ALPK1: variants seen among roughly 807,000 people sequenced by gnomAD.
ALPK1 encodes alpha kinase 1.
In ALPK1, 110 loss-of-function variants were observed where a neutral mutation model predicts 120.6. The ratio of observed to expected loss-of-function variants is 0.91; its 90% confidence interval spans 0.78 to 1.07. The LOEUF (loss-of-function observed/expected upper bound fraction) is 1.07, where lower values mean the gene tolerates loss of function less well. ALPK1 is among the 50% of genes least tolerant of loss of function. The pLI is 0.00. For missense variants in ALPK1, 1,498 were observed against 1,483.9 expected, an observed-to-expected ratio of 1.01 and a Z score of -0.16; for synonymous variants, 582 against 560.3, an observed-to-expected ratio of 1.04 and a Z score of -0.55.
chr4:112,419,161 T>C (rs1385689567), intron 5 of ALPK1, among the ~76,000 whole-genome samples: 1 of 152,264 alleles, frequency 6.6e-6, no homozygotes, highest in Non-Finnish European at 1.5e-5. Flanking sequence ...ATTGCTTTGA[T>C]AAAATTTATT....
intron 2 of ALPK1, among the ~76,000 whole-genome samples, chr4:112,318,410 CT>C (rs1413677940): frequency 6.6e-6 from 1 of 152,192 alleles, no homozygotes; most frequent in East Asian, 1.9e-4. Flanking sequence ...AGCTGAGCTA[CT>C]TATTGAAGGT....
intron 12 of ALPK1, among the ~76,000 whole-genome samples, 170 bp from the exon 13 acceptor site, chr4:112,438,314 T>C (rs1210451183): frequency 6.6e-6 from 1 of 152,230 alleles, no homozygotes; most frequent in Non-Finnish European, 1.5e-5. Context: ...AAGTAGCTCT[T>C]ACAAAATTAT....
At chr4:112,339,478 A>G (rs1729765364) in intron 2 of ALPK1, among the ~76,000 whole-genome samples, 1 of 152,216 alleles carries the variant, frequency 6.6e-6, no homozygotes, top group African/African-American at 2.4e-5. Flanking sequence ...TTGTTTATAG[A>G]TTAGTTAACT....
chr4:112,393,452 C>CTAA (rs1416206324), intron 4 of ALPK1, among the ~76,000 whole-genome samples: 1 of 152,134 alleles, frequency 6.6e-6, no homozygotes, highest in African/African-American at 2.4e-5. Context: ...GTACCTAATA[C>CTAA]TAATCCTCAA....
intron 2 of ALPK1, among the ~76,000 whole-genome samples, chr4:112,335,806 C>T (rs899910664): frequency 1.3e-4 from 20 of 152,174 alleles, no homozygotes; most frequent in Admixed American, 1.1e-3. Context: ...CTTTCTTGGA[C>T]TTCTCCTGAG....
intron 4 of ALPK1, among the ~76,000 whole-genome samples, chr4:112,397,529 G>A (rs905814615): frequency 1.6e-4 from 24 of 152,072 alleles, no homozygotes; most frequent in Admixed American, 2.0e-4. Context: ...AGACCTCTAC[G>A]TCTTCTAGAG....
intron 2 of ALPK1, among the ~76,000 whole-genome samples, chr4:112,346,592 G>A (rs936011912): frequency 6.6e-6 from 1 of 152,238 alleles, no homozygotes; most frequent in Non-Finnish European, 1.5e-5. Flanking sequence ...AAATGAAATT[G>A]CTCTGGGTCC....
At chr4:112,386,452 G>A (rs1420107678) in intron 4 of ALPK1, among the ~76,000 whole-genome samples, 2 of 152,184 alleles carry the variant, frequency 1.3e-5, no homozygotes, top group African/African-American at 4.8e-5. Context: ...CTAGGTAGAT[G>A]GGTCTTTTCC....
At chr4:112,417,321 T>C (rs1397922179) in intron 5 of ALPK1, among the ~76,000 whole-genome samples, 3 of 152,146 alleles carry the variant, frequency 2.0e-5, no homozygotes, top group Non-Finnish European at 4.4e-5. Flanking sequence ...CATTTAGCCA[T>C]ATAAGATTAA....
intron 1 of ALPK1, among the ~76,000 whole-genome samples, chr4:112,300,112 C>T (rs779155267): frequency 6.6e-6 from 1 of 152,044 alleles, no homozygotes; most frequent in African/African-American, 2.4e-5. Context: ...CAAGCATTCT[C>T]ATAAAAGGGG....
intron 2 of ALPK1, among the ~76,000 whole-genome samples, chr4:112,351,471 C>T (rs1197416916): frequency 7.0e-6 from 1 of 143,614 alleles, no homozygotes; most frequent in Non-Finnish European, 1.5e-5. Context: ...AAATCAGACA[C>T]TTCTTTTTTT....
At position 112,423,897 on chromosome 4, in the gene ALPK1, G is replaced by T; in HGVS notation, c.476-47G>T. The T allele has an allele frequency of 1.9e-6, 3 of 1,591,408 alleles. 1 individual carries two copies. The highest frequency in any genetic ancestry group is 2.2e-5 in the East Asian group (1 of 44,732). On this transcript the variant is annotated intron_variant, in intron 5 of 15. Coordinates refer to ENST00000650871, the MANE Select transcript of ALPK1 (RefSeq NM_025144.4). ...AACATGAACAACTTGTAATTGTTAA[G>T]TGCATGTTCAAAGCTAATTGTGTGG...
chr4:112,421,963 A>G (rs1199741231), intron 5 of ALPK1, among the ~76,000 whole-genome samples: 1 of 152,214 alleles, frequency 6.6e-6, no homozygotes, highest in African/African-American at 2.4e-5. Flanking sequence ...CCAAATTGCC[A>G]GCATCACTAC....
At chr4:112,329,766 C>A (rs1403314925) in intron 2 of ALPK1, among the ~76,000 whole-genome samples, 1 of 152,130 alleles carries the variant, frequency 6.6e-6, no homozygotes, top group African/African-American at 2.4e-5. Flanking sequence ...TGACAATGGG[C>A]CATCTGACGT....
chr4:112,437,432 A>G (rs1441055044), intron 12 of ALPK1, among the ~76,000 whole-genome samples: 1 of 152,212 alleles, frequency 6.6e-6, no homozygotes, highest in Non-Finnish European at 1.5e-5. Context: ...TCCCCTGCCT[A>G]AGACTGGAGG....
At chr4:112,382,289 CTTTTT>C (rs34345428) in intron 3 of ALPK1, 104 bp from the exon 4 acceptor site, 53,401 of 658,740 alleles carry the variant, frequency 0.081, 17 homozygotes, top group East Asian at 0.14. Flanking sequence ...AGGTTTTTCT[CTTTTT>C]TTTTTTTTTT....
chr4:112,359,824 C>A, intron 2 of ALPK1: 1 of 384,702 alleles, frequency 2.6e-6, no homozygotes, highest in East Asian at 8.6e-5. Flanking sequence ...CAGTGGGTGC[C>A]CATGGAGGCC....
chr4:112,303,385 G>C (rs191261950), intron 1 of ALPK1, among the ~76,000 whole-genome samples: 3 of 152,096 alleles, frequency 2.0e-5, no homozygotes, highest in African/African-American at 7.2e-5. Flanking sequence ...TTGCTATCTG[G>C]CACTAAAATT....
intron 2 of ALPK1, among the ~76,000 whole-genome samples, chr4:112,346,646 G>A (rs1208931404): frequency 6.6e-6 from 1 of 152,202 alleles, no homozygotes; most frequent in Admixed American, 6.5e-5. Context: ...CCCATGTGGG[G>A]CATTGCAGGT....
Sources: gnomAD v4.1 joint callset for allele counts (sites outside exome capture counted in the v4.1 genomes callset) on GRCh38, gnomAD v4.1.1 for gene constraint, MANE v1.5 for transcripts, NCBI Gene and HGNC (gene_info 2026-07-23, HGNC 2026-07-21) for gene names.